The following SGCD variants were observed in gnomAD, a reference collection of about 807,000 sequenced individuals.
The protein encoded by SGCD is delta-sarcoglycan.
A neutral mutation model predicts 36.6 loss-of-function variants in SGCD; 18 were observed. The observed-to-expected ratio is 0.49, with a 90% confidence interval of 0.34 to 0.73. The LOEUF is 0.73. Ranked by LOEUF, SGCD falls within the 30% of genes least tolerant of loss-of-function variation. The probability of loss-of-function intolerance (pLI) is 0.01; values close to 1 mark genes in which losing one functional copy is unlikely to be tolerated. For missense variants in SGCD, 387 were observed against 346.7 expected, an observed-to-expected ratio of 1.12 and a Z score of -0.92; for synonymous variants, 133 against 130.6, an observed-to-expected ratio of 1.02 and a Z score of -0.12.
chr5:156,533,554 T>TA (rs1468542804), intron 4 of SGCD, among the ~76,000 whole-genome samples: 1 of 152,346 alleles, frequency 6.6e-6, no homozygotes, highest in East Asian at 1.9e-4. Context: ...TGGAAGATTA[T>TA]AAAAACTTAC....
chr5:156,294,900 A>G (rs182615750), intron 3 of SGCD, among the ~76,000 whole-genome samples: 3 of 152,214 alleles, frequency 2.0e-5, no homozygotes, highest in African/African-American at 7.2e-5. Context: ...TTTGTTGATA[A>G]TTTTTGCATT....
chr5:156,317,170 G>A (rs142858854), intron 3 of SGCD, among the ~76,000 whole-genome samples: 518 of 152,198 alleles, frequency 3.4e-3, no homozygotes, highest in African/African-American at 0.012. Flanking sequence ...AACTAATGGG[G>A]TGGCTCACAA....
chr5:155,767,303 G>A, the SGCD span, among the ~76,000 whole-genome samples: 5 of 152,174 alleles, frequency 3.3e-5, no homozygotes, highest in African/African-American at 1.2e-4. Context: ...TCAGTTGCCT[G>A]AACTTCCCCT....
chr5:155,811,006 A>C, the SGCD span, among the ~76,000 whole-genome samples: 1 of 145,942 alleles, frequency 6.9e-6, no homozygotes, highest in African/African-American at 2.6e-5. Flanking sequence ...TTTAGTAGAG[A>C]CGGGGTTTCA....
chr5:156,371,454 T>C (rs113036835), intron 3 of SGCD, among the ~76,000 whole-genome samples: 1 of 152,148 alleles, frequency 6.6e-6, no homozygotes, highest in African/African-American at 2.4e-5. Flanking sequence ...AGTCTAGTAG[T>C]TGATTGGAAA....
At chr5:155,948,693 T>A (rs527258067) in intron 1 of SGCD, among the ~76,000 whole-genome samples, 3 of 152,130 alleles carry the variant, frequency 2.0e-5, no homozygotes, top group Non-Finnish European at 4.4e-5. Flanking sequence ...ATCTTTAGTG[T>A]GTGTTGAAGA....
rs578053274 is a variant in SGCD at position 156,331,350 on chromosome 5, A to G, written c.3+1771A>G. Among the ~76,000 whole-genome samples the G allele has an allele frequency of 1.5e-3, 226 of 152,344 alleles. 1 individual carries two copies. Among genetic ancestry groups the G allele is most frequent in the African/African-American group, 5.1e-3 (213 of 41,576 alleles). On this transcript the variant is annotated intron_variant, in intron 2 of 8. Coordinates refer to ENST00000337851, the MANE Select transcript of SGCD (RefSeq NM_000337.6). The stretch of plus-strand genomic sequence containing the variant: ...TGACCTGCCTCTCAGACAGGTCTGT[A>G]GGACTGGGGAGGAACATGTCACCGT...
At chr5:156,084,911 TG>T (rs1761057247) in intron 1 of SGCD, among the ~76,000 whole-genome samples, 1 of 152,260 alleles carries the variant, frequency 6.6e-6, no homozygotes, top group Admixed American at 6.5e-5. Context: ...ATGTCACATT[TG>T]GACAAGTGCT....
the SGCD span, among the ~76,000 whole-genome samples, chr5:155,728,904 G>A: frequency 6.6e-6 from 1 of 152,352 alleles, no homozygotes; most frequent in Admixed American, 6.5e-5. Flanking sequence ...CGTGGCCCAG[G>A]AGAGGAGCGA....
intron 3 of SGCD, among the ~76,000 whole-genome samples, chr5:156,468,622 T>C (rs1754816929): frequency 6.6e-6 from 1 of 152,230 alleles, no homozygotes; most frequent in African/African-American, 2.4e-5. Context: ...AGGTTTTCTT[T>C]GTCTGATCTT....
chr5:156,726,234 G>A (rs1377199723), intron 7 of SGCD, among the ~76,000 whole-genome samples: 1 of 152,148 alleles, frequency 6.6e-6, no homozygotes, highest in East Asian at 1.9e-4. Flanking sequence ...GTCAGCCTCA[G>A]ACCCTAAATA....
chr5:156,095,559 A>G (rs79869048), intron 1 of SGCD, among the ~76,000 whole-genome samples: 35,431 of 152,118 alleles, frequency 0.23, 4,459 homozygotes, highest in Middle Eastern at 0.3. Flanking sequence ...AGAGTCTGGA[A>G]CGGTTATGAG....
intron 7 of SGCD, among the ~76,000 whole-genome samples, chr5:156,649,629 C>T (rs1201756729): frequency 1.3e-5 from 2 of 149,680 alleles, no homozygotes; most frequent in African/African-American, 4.9e-5. Context: ...CCAAACACCG[C>T]ATGTTCTCAC....
intron 6 of SGCD, among the ~76,000 whole-genome samples, chr5:156,603,380 A>G (rs904452127): frequency 1.4e-4 from 22 of 152,156 alleles, no homozygotes; most frequent in African/African-American, 4.8e-4. Flanking sequence ...TCAAAAAAAC[A>G]ACTTTGTTTC....
chr5:156,067,658 A>C (rs1581073782), intron 1 of SGCD, among the ~76,000 whole-genome samples: 1 of 114,896 alleles, frequency 8.7e-6, no homozygotes, highest in East Asian at 2.2e-4. Context: ...CCGTTTCTTA[A>C]GCCGGTCTGA....
chr5:156,023,672 G>A (rs1356659531), intron 1 of SGCD, among the ~76,000 whole-genome samples: 2 of 152,184 alleles, frequency 1.3e-5, no homozygotes, highest in Non-Finnish European at 1.5e-5. Flanking sequence ...GGTTACCTAA[G>A]AGGAAGTGTG....
chr5:156,229,172 G>T (rs1002737160), intron 3 of SGCD, among the ~76,000 whole-genome samples: 1 of 149,918 alleles, frequency 6.7e-6, no homozygotes, highest in African/African-American at 2.5e-5. Context: ...CAGCCTGCAG[G>T]TGGCCTATTG....
At chr5:155,833,309 C>G in the SGCD span, among the ~76,000 whole-genome samples, 2,581 of 151,898 alleles carry the variant, frequency 0.017, 80 homozygotes, top group African/African-American at 0.059. Context: ...TTTCTATAGA[C>G]AAAACATTTT....
intron 1 of SGCD, among the ~76,000 whole-genome samples, chr5:156,093,276 G>C (rs1761289211): frequency 6.6e-6 from 1 of 152,168 alleles, no homozygotes; most frequent in Admixed American, 6.5e-5. Flanking sequence ...TGTAGTGGTG[G>C]GCTTTTGATT....
Sources: gnomAD v4.1 joint callset for allele counts (sites outside exome capture counted in the v4.1 genomes callset) on GRCh38, gnomAD v4.1.1 for gene constraint, MANE v1.5 for transcripts, NCBI Gene and HGNC (gene_info 2026-07-23, HGNC 2026-07-21) for gene names.